PITRM1: variants seen among roughly 807,000 people sequenced by gnomAD.
PITRM1 encodes the protein presequence protease, mitochondrial.
PITRM1 carries 100 observed loss-of-function variants against 129.9 expected under a neutral mutation model. That is an observed-to-expected ratio of 0.77 (90% CI 0.65 to 0.91). The LOEUF is 0.91. Ranked by LOEUF, PITRM1 falls within the 40% of genes least tolerant of loss-of-function variation. The probability of loss-of-function intolerance (pLI) is 0.00; values close to 1 mark genes in which losing one functional copy is unlikely to be tolerated. For synonymous variants in PITRM1, 591 were observed against 508.8 expected (o/e 1.16, Z -2.17); for missense variants, 1,471 against 1,318.3 (o/e 1.12, Z -1.79).
At chr10:3,159,182 G>A (rs2132464920) in intron 9 of PITRM1, 140 bp from the exon 10 acceptor site, 1 of 795,640 alleles carries the variant, frequency 1.3e-6, no homozygotes, top group Non-Finnish European at 2.0e-6. Flanking sequence ...TTTATGAGCA[G>A]AAGAGAATTT....
intron 14 of PITRM1, among the ~76,000 whole-genome samples, chr10:3,154,471 G>A (rs183282837): frequency 1.3e-5 from 2 of 152,242 alleles, no homozygotes; most frequent in East Asian, 3.9e-4. Flanking sequence ...GGTGCTGGCA[G>A]TAATTTTTAA....
chr10:3,158,848 G>A, intron 10 of PITRM1, 66 bp downstream of exon 10: 1 of 1,468,028 alleles, frequency 6.8e-7, no homozygotes, highest in Non-Finnish European at 9.4e-7. Flanking sequence ...ACAGGGTGCG[G>A]AGGTGGAGGA....
intron 19 of PITRM1, 55 bp downstream of exon 19, chr10:3,147,517 A>G: frequency 1.3e-6 from 2 of 1,535,056 alleles, no homozygotes; most frequent in Admixed American, 1.7e-5. Context: ...GAAATTAGTA[A>G]CTCTGGAATA....
chr10:3,158,819 T>C (rs1250103480), intron 10 of PITRM1, 95 bp downstream of exon 10: 1 of 1,183,790 alleles, frequency 8.4e-7, no homozygotes, highest in Admixed American at 2.3e-5. Context: ...TTCCAGACAC[T>C]GTCAAGTGTG....
intron 4 of PITRM1, 48 bp from the exon 5 acceptor site, chr10:3,165,575 TA>T (rs771768855): frequency 2.7e-6 from 3 of 1,098,128 alleles, no homozygotes; most frequent in Non-Finnish European, 4.1e-6. Flanking sequence ...AGATTTCTAC[TA>T]AAATTATTGA....
At chr10:3,153,201 G>A (rs1376249846) in intron 14 of PITRM1, among the ~76,000 whole-genome samples, 1 of 152,226 alleles carries the variant, frequency 6.6e-6, no homozygotes, top group African/African-American at 2.4e-5. Context: ...TGTGAGCACT[G>A]CTCATTAACC....
chr10:3,152,115 C>T (rs1841575518), intron 14 of PITRM1, among the ~76,000 whole-genome samples: 1 of 152,138 alleles, frequency 6.6e-6, no homozygotes, highest in Non-Finnish European at 1.5e-5. Context: ...ACATAAATCA[C>T]ACAAATTACA....
chr10:3,164,221 G>C, intron 6 of PITRM1: 1 of 158,632 alleles, frequency 6.3e-6, no homozygotes, highest in Middle Eastern at 2.9e-3. Flanking sequence ...GGGAGAAGCT[G>C]TCACCCCAAC....
intron 20 of PITRM1, chr10:3,146,338 C>T (rs566753469): frequency 6.5e-6 from 1 of 152,750 alleles, no homozygotes; most frequent in East Asian, 1.9e-4. Context: ...ATATCCCAGG[C>T]ATGTATGCTG....
chr10:3,137,831 C>G lies in PITRM1; in HGVS notation c.*200G>C. On this transcript the variant is annotated 3_prime_UTR_variant, in exon 27 of 27. Coordinates refer to ENST00000224949, the MANE Select transcript of PITRM1 (RefSeq NM_014889.4). ...AAAATTCTACATGGTGCATCTTTGG[C>G]GCTTCATGCATGATTATTTCAATGA... 1.8e-6 allele frequency: 1 copy of G among 566,866 alleles called. No homozygotes were observed. Among genetic ancestry groups the G allele is most frequent in the Non-Finnish European group, 3.2e-6 (1 of 316,714 alleles). 35.1% of individuals were successfully genotyped at this position (566,866 alleles called of 1,614,324 possible). A position where few individuals can be genotyped will look rare whatever the true frequency, so the allele number is the denominator to read the frequency against.
At chr10:3,161,159 T>C (rs1226934441) in intron 7 of PITRM1, among the ~76,000 whole-genome samples, 1 of 152,180 alleles carries the variant, frequency 6.6e-6, no homozygotes, top group African/African-American at 2.4e-5. Context: ...CCGTAAGTGC[T>C]TGGATTTGCA....
chr10:3,145,611 G>A lies in PITRM1; in HGVS notation c.2442C>T (p.Arg814=), dbSNP rs1447570236. The part of the protein sequence containing the change: ...GRSKKERRPV[R]PHTVEKPVPS... Reference sequence around the variant, plus strand: ...CAGTGCATACCTCGACCGTGTGTGGGCGCACAGGCCTCCGTTCCTTTTTAC... The same window carrying A: ...CAGTGCATACCTCGACCGTGTGTGGACGCACAGGCCTCCGTTCCTTTTTAC... The change falls in exon 21 of 27, where the codon CGC becomes CGT. Residue 814 remains arginine (R), a synonymous_variant. Coordinates refer to ENST00000224949, the MANE Select transcript of PITRM1 (RefSeq NM_014889.4). The A allele has an allele frequency of 2.3e-5, 36 of 1,549,886 alleles. No homozygotes were observed. Among genetic ancestry groups the A allele is most frequent in the Non-Finnish European group, 2.9e-5 (33 of 1,146,926 alleles).
intron 15 of PITRM1, among the ~76,000 whole-genome samples, chr10:3,150,758 G>A (rs1355041663): frequency 6.6e-6 from 1 of 152,112 alleles, no homozygotes; most frequent in Non-Finnish European, 1.5e-5. Flanking sequence ...AACGTGTCAC[G>A]GAACAAAACG....
At position 3,138,122 on chromosome 10, in the gene PITRM1, T is replaced by C. The variant is rs1395818372; in HGVS notation, c.3023A>G (p.Tyr1008Cys). ...GTGTGTGCTCTTCCCAGTGCCGAGG[T>C]ATCTGAGAGGAAGGCAGGCGTGGTC... ...HDKLLAVSDR[Y>C]LGTGKSTHGL... Residue 1008 changes from tyrosine (Y) to cysteine (C), a missense_variant and splice_region_variant, in exon 27 of 27, where the codon TAC (tyrosine) becomes TGC (cysteine). By Grantham distance (194) the Tyr-to-Cys change is radical. Coordinates refer to ENST00000224949, the MANE Select transcript of PITRM1 (RefSeq NM_014889.4). 6.2e-7 allele frequency: 1 copy of C among 1,607,500 alleles called. No individual in the cohort carries two copies. The highest frequency in any genetic ancestry group is 1.1e-5 in the South Asian group (1 of 90,006).
At position 3,151,286 on chromosome 10, in the gene PITRM1, G is replaced by A. The variant is rs1430007106; in HGVS notation, c.1699C>T (p.Pro567Ser). 1.2e-6 allele frequency: 2 copies of A among 1,609,658 alleles called. No homozygotes were observed. The highest frequency in any genetic ancestry group is 2.2e-5 in the East Asian group (1 of 44,836). Reference sequence around the variant, plus strand: ...TCCAACTCTGTGACAGGTATGGTGGGTTCAATATCGGAAACTTTCAACGCT... The same window carrying A: ...TCCAACTCTGTGACAGGTATGGTGGATTCAATATCGGAAACTTTCAACGCT... ...LPALKVSDIE[P>S]TIPVTELDVV... The change falls in exon 15 of 27, where the codon CCC becomes TCC. Residue 567 changes from proline (P) to serine (S), a missense_variant. Pro to Ser is a moderately conservative substitution (Grantham distance 74). Coordinates refer to ENST00000224949, the MANE Select transcript of PITRM1 (RefSeq NM_014889.4).
At chr10:3,169,477 G>A (rs764483497) in intron 2 of PITRM1, among the ~76,000 whole-genome samples, 64 of 152,250 alleles carry the variant, frequency 4.2e-4, no homozygotes, top group Non-Finnish European at 7.3e-4. Context: ...TTTCTAGACA[G>A]TAAGCTGTTT....
At chr10:3,166,404 C>A in intron 3 of PITRM1, 24 bp from the exon 4 acceptor site, 5 of 1,507,814 alleles carry the variant, frequency 3.3e-6, no homozygotes, top group Non-Finnish European at 4.6e-6. Flanking sequence ...ATGACCAGAA[C>A]GCAAAAGGTT....
At position 3,151,260 on chromosome 10, in the gene PITRM1, G is replaced by A. The variant is rs139545159; in HGVS notation, c.1725C>T (p.Asp575=). 4.9e-4 allele frequency: 776 copies of A among 1,595,180 alleles called. 5 individuals are homozygous for A. The African/African-American group carries it at 8.6e-3, about 18-fold the overall frequency. The part of the protein sequence containing the change: ...IEPTIPVTEL[D]VVLTAGDIPV... The stretch of plus-strand genomic sequence containing the variant: ...GTTCACAGTGACCTGTCAGGACCAC[G>A]TCCAACTCTGTGACAGGTATGGTGG... The change falls in exon 15 of 27, where the codon GAC becomes GAT. Residue 575 remains aspartate (D), a synonymous_variant. Transcript: ENST00000224949.
intron 15 of PITRM1, 146 bp downstream of exon 15, chr10:3,151,101 G>T: frequency 1.5e-6 from 1 of 648,110 alleles, no homozygotes; most frequent in Non-Finnish European, 2.9e-6. Context: ...CAGAAGAATC[G>T]TGTAGAGCGA....
Sources: gnomAD v4.1 joint callset for allele counts (sites outside exome capture counted in the v4.1 genomes callset) on GRCh38, gnomAD v4.1.1 for gene constraint, MANE v1.5 for transcripts, NCBI Gene and HGNC (gene_info 2026-07-23, HGNC 2026-07-21) for gene names.